IMPG1: variants seen among roughly 807,000 people sequenced by gnomAD.
IMPG1 encodes interphotoreceptor matrix proteoglycan 1.
In IMPG1, 85 loss-of-function variants were observed where a neutral mutation model predicts 92.0. The ratio of observed to expected loss-of-function variants is 0.92; its 90% CI spans 0.78 to 1.11. The LOEUF (loss-of-function observed/expected upper bound fraction) is 1.11. IMPG1 is among the 50% of genes least tolerant of loss of function. The pLI is 0.00. For missense variants in IMPG1, 1,022 were observed against 956.0 expected (o/e 1.07, Z -0.91); for synonymous variants, 367 against 334.1 (o/e 1.10, Z -1.08).
chr6:75,927,855 A>G (rs987469971), intron 15 of IMPG1, among the ~76,000 whole-genome samples: 7 of 151,844 alleles, frequency 4.6e-5, no homozygotes, highest in African/African-American at 1.7e-4. Flanking sequence ...CAATTTTTCA[A>G]TGTATTTGAA....
intron 1 of IMPG1, among the ~76,000 whole-genome samples, chr6:76,046,546 A>G (rs1783947319): frequency 1.3e-5 from 2 of 152,220 alleles, no homozygotes; most frequent in Admixed American, 1.3e-4. Flanking sequence ...AGGTAGTAGC[A>G]GCACAAATCA....
chr6:76,006,144 A>C (rs1296292534), intron 9 of IMPG1, among the ~76,000 whole-genome samples: 1 of 151,992 alleles, frequency 6.6e-6, no homozygotes, highest in Non-Finnish European at 1.5e-5. Context: ...TTTTTGAAAA[A>C]GTGCTTTTTG....
At chr6:76,050,291 A>G (rs1032690782) in intron 1 of IMPG1, among the ~76,000 whole-genome samples, 2 of 151,970 alleles carry the variant, frequency 1.3e-5, no homozygotes, top group East Asian at 1.9e-4. Flanking sequence ...AATATAAAAA[A>G]AATTAGCCAG....
intron 1 of IMPG1, among the ~76,000 whole-genome samples, chr6:76,047,659 C>T (rs943628681): frequency 2.6e-5 from 4 of 152,020 alleles, no homozygotes; most frequent in Non-Finnish European, 5.9e-5. Context: ...TTGTACATGA[C>T]AGAGATGCAA....
chr6:75,957,714 C>G (rs573219761), intron 12 of IMPG1, among the ~76,000 whole-genome samples: 27 of 152,302 alleles, frequency 1.8e-4, no homozygotes, highest in African/African-American at 6.5e-4. Context: ...TTATCAGAGA[C>G]TAGAATTGCA....
At position 75,987,991 on chromosome 6, in the gene IMPG1, C is replaced by T. The variant is rs528139033; in HGVS notation, c.1291+14927G>A. ...GCTGCATAGTATTCCATGGTGTATA[C>T]GTGCCACATTTTCTTAATCCAGTCT... On this transcript the variant is annotated intron_variant, in intron 12 of 16. Coordinates refer to ENST00000369950, the MANE Select transcript of IMPG1 (RefSeq NM_001563.4). Among the ~76,000 whole-genome samples the T allele has an allele frequency of 3.8e-3, 572 of 152,228 alleles. 3 individuals are homozygous for T. The highest frequency in any genetic ancestry group is 5.8e-3 in the Non-Finnish European group (396 of 68,004).
At chr6:75,975,468 C>G (rs1374556045) in intron 12 of IMPG1, among the ~76,000 whole-genome samples, 1 of 152,112 alleles carries the variant, frequency 6.6e-6, no homozygotes, top group Non-Finnish European at 1.5e-5. Flanking sequence ...CCTAGCATAC[C>G]TTTGGCAGTT....
chr6:76,068,871 C>T (rs1784355997), intron 1 of IMPG1, among the ~76,000 whole-genome samples: 1 of 151,898 alleles, frequency 6.6e-6, no homozygotes, highest in Admixed American at 6.6e-5. Context: ...ATCAAAATAT[C>T]AATGCTATTT....
At chr6:75,936,899 C>T (rs1562339752) in intron 14 of IMPG1, among the ~76,000 whole-genome samples, 1 of 152,070 alleles carries the variant, frequency 6.6e-6, no homozygotes, top group Non-Finnish European at 1.5e-5. Flanking sequence ...CCAAACAGCT[C>T]CAGGAGCCTT....
intron 14 of IMPG1, among the ~76,000 whole-genome samples, chr6:75,938,597 G>A (rs1781785953): frequency 6.6e-6 from 1 of 152,134 alleles, no homozygotes; most frequent in African/African-American, 2.4e-5. Context: ...TGGATCACTT[G>A]AGGCCATGAG....
At chr6:76,008,823 A>G (rs901277511) in intron 8 of IMPG1, among the ~76,000 whole-genome samples, 1 of 152,220 alleles carries the variant, frequency 6.6e-6, no homozygotes, top group Non-Finnish European at 1.5e-5. Context: ...GATAGTGAGC[A>G]TATTCATCAA....
At chr6:75,952,436 A>G (rs1276077777) in intron 12 of IMPG1, among the ~76,000 whole-genome samples, 1 of 152,156 alleles carries the variant, frequency 6.6e-6, no homozygotes, top group Non-Finnish European at 1.5e-5. Flanking sequence ...TAGTTTTATT[A>G]CTTTCTTAAA....
chr6:75,934,170 G>T (rs1360848676), intron 14 of IMPG1, among the ~76,000 whole-genome samples: 1 of 152,146 alleles, frequency 6.6e-6, no homozygotes, highest in East Asian at 1.9e-4. Flanking sequence ...TTGAATAAAG[G>T]TTCCCTTAAC....
At chr6:75,956,210 G>T (rs1472173028) in intron 12 of IMPG1, among the ~76,000 whole-genome samples, 4 of 152,170 alleles carry the variant, frequency 2.6e-5, no homozygotes, top group Non-Finnish European at 5.9e-5. Flanking sequence ...GAATTTGGTT[G>T]TGAATCCATC....
intron 7 of IMPG1, among the ~76,000 whole-genome samples, chr6:76,016,712 T>A (rs1384820724): frequency 1.3e-5 from 2 of 152,244 alleles, no homozygotes; most frequent in Non-Finnish European, 2.9e-5. Flanking sequence ...TGTGCACTCC[T>A]GTTGTCCACA....
chr6:76,027,139 A>C (rs1055713807), intron 4 of IMPG1, among the ~76,000 whole-genome samples: 1 of 152,224 alleles, frequency 6.6e-6, no homozygotes, highest in Admixed American at 6.5e-5. Flanking sequence ...ACTCTTTAAG[A>C]AATAAAAACA....
rs536468670 is a variant in IMPG1 at position 76,000,646 on chromosome 6, C to T, written c.1291+2272G>A. Among the ~76,000 whole-genome samples the T allele has an allele frequency of 4.6e-5, 7 of 152,102 alleles. No homozygotes were observed. The South Asian group carries it at 1.2e-3, about 27-fold the overall frequency. ...AGCCCAGATGTAGGAGTTTCAAGAG[C>T]GGGGTGGTTAACAAGAGTCACGTGC... On this transcript the variant is annotated intron_variant, in intron 12 of 16. Transcript: ENST00000369950.
chr6:76,049,047 A>C (rs1783992236), intron 1 of IMPG1, among the ~76,000 whole-genome samples: 1 of 152,216 alleles, frequency 6.6e-6, no homozygotes, highest in African/African-American at 2.4e-5. Context: ...TGTCCTTTGC[A>C]GGGACATGGG....
chr6:75,999,041 G>C (rs566179948), intron 12 of IMPG1, among the ~76,000 whole-genome samples: 1 of 152,082 alleles, frequency 6.6e-6, no homozygotes. Flanking sequence ...ATTTTTAGTA[G>C]AGACAGGGTT....
Sources: gnomAD v4.1 joint callset for allele counts (sites outside exome capture counted in the v4.1 genomes callset) on GRCh38, gnomAD v4.1.1 for gene constraint, MANE v1.5 for transcripts, NCBI Gene and HGNC (gene_info 2026-07-23, HGNC 2026-07-21) for gene names.